Variants in EDIL3 observed in about 807,000 individuals in gnomAD.
EDIL3 encodes the protein EGF like and discoidin domains 3, also known as EGF-like repeat and discoidin I-like domain-containing protein 3.
Under a neutral mutation model 67.4 loss-of-function variants are expected in EDIL3, and 37 were observed. The ratio of observed to expected loss-of-function variants is 0.55; its 90% CI spans 0.42 to 0.72. EDIL3 has a LOEUF of 0.72. EDIL3 is among the 30% of genes least tolerant of loss of function. The pLI, the probability that EDIL3 is intolerant of heterozygous loss-of-function variation, is 0.00. For synonymous variants in EDIL3, 195 were observed against 196.3 expected, an observed-to-expected ratio of 0.99 and a Z score of 0.05; for missense variants, 527 against 586.3, an observed-to-expected ratio of 0.90 and a Z score of 1.04.
At chr5:84,141,928 T>TAC (rs1554069989) in intron 4 of EDIL3, among the ~76,000 whole-genome samples, 20,166 of 120,964 alleles carry the variant, frequency 0.17, 1,960 homozygotes, top group Middle Eastern at 0.21. Flanking sequence ...TATATACACA[T>TAC]ATATATATAT....
chr5:84,031,974 T>C (rs1282384477), intron 9 of EDIL3, among the ~76,000 whole-genome samples: 2 of 152,194 alleles, frequency 1.3e-5, no homozygotes, highest in East Asian at 3.9e-4. Flanking sequence ...AGCATACTTG[T>C]TCTCGAGACA....
At chr5:83,984,951 CCACACACACACACA>C (rs6149090) in intron 9 of EDIL3, among the ~76,000 whole-genome samples, 1 of 149,752 alleles carries the variant, frequency 6.7e-6, no homozygotes, top group Non-Finnish European at 1.5e-5. Flanking sequence ...CAAACATACA[CCACACACACACACA>C]CACACACACA....
intron 9 of EDIL3, among the ~76,000 whole-genome samples, chr5:84,003,851 A>G: frequency 6.6e-6 from 1 of 152,146 alleles, no homozygotes; most frequent in Non-Finnish European, 1.5e-5. Context: ...AACAGGTTAA[A>G]TGTCCCATGT....
chr5:84,011,211 C>T (rs1333353843), intron 9 of EDIL3, among the ~76,000 whole-genome samples: 1 of 152,144 alleles, frequency 6.6e-6, no homozygotes, highest in Non-Finnish European at 1.5e-5. Flanking sequence ...CTGTCCACTG[C>T]AAACCCACAG....
chr5:84,026,139 C>T (rs1465260709), intron 9 of EDIL3, among the ~76,000 whole-genome samples: 1 of 152,186 alleles, frequency 6.6e-6, no homozygotes, highest in East Asian at 1.9e-4. Context: ...CCAAGATGAT[C>T]TCACTAAAGG....
intron 1 of EDIL3, among the ~76,000 whole-genome samples, chr5:84,265,544 C>T (rs1034365449): frequency 1.3e-5 from 2 of 152,206 alleles, no homozygotes; most frequent in African/African-American, 4.8e-5. Flanking sequence ...TGATTTCATA[C>T]ACACCTTTTA....
At chr5:84,217,764 A>ACACACACACC (rs1554036424) in intron 3 of EDIL3, among the ~76,000 whole-genome samples, 3 of 141,304 alleles carry the variant, frequency 2.1e-5, no homozygotes, top group South Asian at 2.2e-4. Context: ...ACACACACAC[A>ACACACACACC]TCCTTCTGGT....
chr5:84,274,792 CAG>C (rs1441866149), intron 1 of EDIL3, among the ~76,000 whole-genome samples: 6 of 92,754 alleles, frequency 6.5e-5, no homozygotes, highest in African/African-American at 2.1e-4. Flanking sequence ...CAGACACACA[CAG>C]ACACACACAC....
At chr5:84,248,683 G>A (rs539473316) in intron 2 of EDIL3, among the ~76,000 whole-genome samples, 1 of 152,214 alleles carries the variant, frequency 6.6e-6, no homozygotes, top group Non-Finnish European at 1.5e-5. Flanking sequence ...CCTGTGTATT[G>A]TCATTTATAA....
At chr5:84,347,119 A>G (rs1747254229) in intron 1 of EDIL3, among the ~76,000 whole-genome samples, 3 of 152,166 alleles carry the variant, frequency 2.0e-5, no homozygotes, top group Admixed American at 6.6e-5. Context: ...CTTCATCTAT[A>G]TATTTAGGAG....
intron 3 of EDIL3, among the ~76,000 whole-genome samples, chr5:84,204,965 T>G (rs965192854): frequency 3.9e-5 from 6 of 152,062 alleles, no homozygotes; most frequent in African/African-American, 1.4e-4. Context: ...CAGGCTGGAG[T>G]GCAGTGACGC....
intron 1 of EDIL3, among the ~76,000 whole-genome samples, chr5:84,281,126 G>A (rs759305037): frequency 6.6e-6 from 1 of 151,918 alleles, no homozygotes; most frequent in African/African-American, 2.4e-5. Context: ...ACCTATTTAA[G>A]GAATCTTATA....
intron 9 of EDIL3, among the ~76,000 whole-genome samples, chr5:84,029,597 G>T (rs1288180824): frequency 6.6e-6 from 1 of 152,024 alleles, no homozygotes; most frequent in African/African-American, 2.4e-5. Context: ...TTATCAAAGG[G>T]AGTATTAAAC....
chr5:84,056,539 T>C (rs562702608), intron 9 of EDIL3, among the ~76,000 whole-genome samples: 203 of 152,196 alleles, frequency 1.3e-3, no homozygotes, highest in Non-Finnish European at 2.1e-3. Flanking sequence ...CACATAAGAA[T>C]TTCTTAAACT....
chr5:84,297,945 A>G (rs1191129750), intron 1 of EDIL3, among the ~76,000 whole-genome samples: 2 of 152,140 alleles, frequency 1.3e-5, no homozygotes, highest in Non-Finnish European at 2.9e-5. Context: ...ATGGTGCATC[A>G]GGGTAGCCTT....
At chr5:84,058,676 T>C (rs182835185) in intron 9 of EDIL3, among the ~76,000 whole-genome samples, 194 of 152,244 alleles carry the variant, frequency 1.3e-3, no homozygotes, top group Non-Finnish European at 2.1e-3. Context: ...AAACATCTGC[T>C]ACGAGGATGG....
chr5:84,291,495 TG>T (rs1176666709), intron 1 of EDIL3, among the ~76,000 whole-genome samples: 1 of 151,762 alleles, frequency 6.6e-6, no homozygotes, highest in African/African-American at 2.4e-5. Context: ...ACGGTGTGTG[TG>T]CCAAAACATT....
chr5:84,168,341 C>T (rs1748748195), intron 4 of EDIL3, among the ~76,000 whole-genome samples: 1 of 152,040 alleles, frequency 6.6e-6, no homozygotes, highest in African/African-American at 2.4e-5. Flanking sequence ...TATCTAAAGA[C>T]AACCAATTTT....
intron 6 of EDIL3, among the ~76,000 whole-genome samples, chr5:84,088,108 T>TG (rs756347399): frequency 3.9e-5 from 6 of 152,182 alleles, no homozygotes; most frequent in Non-Finnish European, 8.8e-5. Flanking sequence ...CCATATAAGA[T>TG]AATTTGAAAT....
Sources: allele counts gnomAD v4.1 joint callset (sites outside exome capture counted in the v4.1 genomes callset), GRCh38; gene constraint gnomAD v4.1.1; transcripts MANE v1.5; gene names NCBI Gene and HGNC (gene_info 2026-07-23, HGNC 2026-07-21).